Variants in TRAPPC9 observed in about 807,000 individuals in gnomAD.
The protein encoded by TRAPPC9 is trafficking protein particle complex subunit 9, also known as IKK2 binding protein.
In TRAPPC9, 83 loss-of-function variants were observed where a neutral mutation model predicts 124.0. The ratio of observed to expected loss-of-function variants is 0.67; its 90% confidence interval spans 0.56 to 0.80. TRAPPC9 has a LOEUF of 0.80. Ranked by LOEUF, TRAPPC9 falls within the 30% of genes least tolerant of loss-of-function variation. The pLI, the probability that TRAPPC9 is intolerant of heterozygous loss-of-function variation, is 0.00. For missense variants in TRAPPC9, 1,302 were observed against 1,508.3 expected (o/e 0.86, Z 2.27); for synonymous variants, 638 against 617.5 (o/e 1.03, Z -0.49).
chr8:139,829,203 G>A (rs769636689), intron 21 of TRAPPC9, among the ~76,000 whole-genome samples: 39 of 152,228 alleles, frequency 2.6e-4, no homozygotes, highest in African/African-American at 8.9e-4. Flanking sequence ...ACGCCCTTCC[G>A]GAGGGTATAA....
Position 139,885,965 on chromosome 8 carries a change from G to A in TRAPPC9, c.2969C>T (p.Ser990Phe). ...ACTCGCCTCGCCACTGCGCTTCAGGGAGGGGTGAGCCTTGGTCAAGGAAAA... is the reference window on the plus strand; with the variant it reads ...ACTCGCCTCGCCACTGCGCTTCAGGAAGGGGTGAGCCTTGGTCAAGGAAAA... ...SKLGICWRIP[S>F]LKRSGEASVE... Residue 990 changes from serine to phenylalanine, a missense_variant, in exon 21 of 23, where the codon TCC becomes TTC. Transcript: ENST00000438773. 1.3e-6 allele frequency: 2 copies of A among 1,564,600 alleles called. No individual in the cohort carries two copies. Among genetic ancestry groups the A allele is most frequent in the Non-Finnish European group, 1.7e-6 (2 of 1,153,718 alleles).
chr8:140,134,937 ATT>A (rs1484290559), intron 17 of TRAPPC9, among the ~76,000 whole-genome samples: 1 of 152,248 alleles, frequency 6.6e-6, no homozygotes, highest in Non-Finnish European at 1.5e-5. Flanking sequence ...AGGGTTTAAT[ATT>A]CAGAATGTCT....
At chr8:139,943,967 C>A (rs1295657936) in intron 19 of TRAPPC9, among the ~76,000 whole-genome samples, 2 of 152,062 alleles carry the variant, frequency 1.3e-5, no homozygotes, top group African/African-American at 4.8e-5. Flanking sequence ...CTTGGAGGCA[C>A]AAGAATGAGG....
At chr8:140,218,812 T>C (rs146378565) in intron 17 of TRAPPC9, among the ~76,000 whole-genome samples, 7,352 of 151,878 alleles carry the variant, frequency 0.048, 215 homozygotes, top group Middle Eastern at 0.11. Context: ...ATATAAAAAT[T>C]AGCCGGGTGT....
At chr8:140,158,339 G>T (rs377208263) in intron 17 of TRAPPC9, among the ~76,000 whole-genome samples, 2 of 152,158 alleles carry the variant, frequency 1.3e-5, no homozygotes, top group Non-Finnish European at 2.9e-5. Context: ...TCCTTATTAG[G>T]GAAAGAAGGA....
chr8:140,389,973 G>T (rs2068877968), intron 7 of TRAPPC9, among the ~76,000 whole-genome samples: 1 of 152,144 alleles, frequency 6.6e-6, no homozygotes, highest in African/African-American at 2.4e-5. Context: ...GTAAGCTAGA[G>T]ACTCAGCTCT....
At chr8:140,026,629 A>G (rs1326936397) in intron 17 of TRAPPC9, among the ~76,000 whole-genome samples, 1 of 152,118 alleles carries the variant, frequency 6.6e-6, no homozygotes, top group Non-Finnish European at 1.5e-5. Context: ...CCATTTATGT[A>G]TCTTCTTTGG....
intron 16 of TRAPPC9, among the ~76,000 whole-genome samples, chr8:140,248,280 C>T (rs73714825): frequency 0.063 from 9,531 of 152,282 alleles, 533 homozygotes; most frequent in African/African-American, 0.15. Context: ...TTCTGCTATC[C>T]CACCTCTGTT....
chr8:140,293,015 A>T (rs2065706279), intron 11 of TRAPPC9, among the ~76,000 whole-genome samples: 1 of 147,624 alleles, frequency 6.8e-6, no homozygotes, highest in African/African-American at 2.6e-5. Flanking sequence ...AAACAAATTT[A>T]CAAGAAAAAA....
At position 140,435,235 on chromosome 8, in the gene TRAPPC9, G is replaced by A. The variant is rs2070773096; in HGVS notation, c.736C>T (p.Leu246=). The change falls in exon 4 of 23, where the codon CTG becomes TTG. Residue 246 remains leucine (L), a synonymous_variant. Transcript: ENST00000438773. The part of the protein sequence containing the change: ...VNDFLWLGAA[L]EGLCSASVIY... ...ACAGAAGCTGAACACAATCCTTCCAGGGCAGCTGGGCATTAAGAAAACAAA... is the reference window on the plus strand; with the variant it reads ...ACAGAAGCTGAACACAATCCTTCCAAGGCAGCTGGGCATTAAGAAAACAAA... 6.2e-7 allele frequency: 1 copy of A among 1,613,492 alleles called. No homozygotes were observed.
At chr8:140,058,270 T>C (rs1842403321) in intron 17 of TRAPPC9, among the ~76,000 whole-genome samples, 1 of 152,134 alleles carries the variant, frequency 6.6e-6, no homozygotes, top group African/African-American at 2.4e-5. Flanking sequence ...GACACTACGG[T>C]GTCACTTTGA....
At position 139,976,848 on chromosome 8, in the gene TRAPPC9, C is replaced by T. The variant is rs370020934; in HGVS notation, c.2810+11878G>A. Among the ~76,000 whole-genome samples the T allele has an allele frequency of 1.6e-4, 24 of 152,308 alleles. No homozygotes were observed. In the East Asian group the frequency reaches 4.5e-3, roughly 28 times the overall value. ...CCTGGAAGGCAGGATGCTGCCTGTT[C>T]ACCTCTGCTCCTCTGAGAGGAGCAG... On this transcript the variant is annotated intron_variant, in intron 19 of 22. Transcript: ENST00000438773.
chr8:139,854,471 G>A (rs1175856085), intron 21 of TRAPPC9, among the ~76,000 whole-genome samples: 1 of 152,210 alleles, frequency 6.6e-6, no homozygotes, highest in Non-Finnish European at 1.5e-5. Context: ...GGGTCAGGGA[G>A]GTGACACCTG....
chr8:140,189,281 G>A (rs561988416), intron 17 of TRAPPC9, among the ~76,000 whole-genome samples: 5 of 152,280 alleles, frequency 3.3e-5, no homozygotes, highest in East Asian at 1.9e-4. Context: ...GTTCGTTTCC[G>A]CATGGCCACA....
intron 21 of TRAPPC9, among the ~76,000 whole-genome samples, chr8:139,752,129 C>A (rs1819352075): frequency 6.6e-6 from 1 of 151,010 alleles, no homozygotes; most frequent in Non-Finnish European, 1.5e-5. Flanking sequence ...TACCATCCAT[C>A]CATCTATATA....
chr8:140,045,631 G>GAAAAAAAAAAAAA (rs57243402), intron 17 of TRAPPC9, among the ~76,000 whole-genome samples: 2 of 33,264 alleles, frequency 6.0e-5, no homozygotes, highest in African/African-American at 1.7e-4. Context: ...CATCTCGGCA[G>GAAAAAAAAAAAAA]AAAAAAAAAA....
At chr8:140,290,416 C>T (rs1317225117) in intron 12 of TRAPPC9, among the ~76,000 whole-genome samples, 1 of 152,174 alleles carries the variant, frequency 6.6e-6, no homozygotes, top group Non-Finnish European at 1.5e-5. Context: ...CAGCTTAGAG[C>T]GCCAGTACTA....
chr8:140,048,061 C>T (rs1227711324), intron 17 of TRAPPC9, among the ~76,000 whole-genome samples: 1 of 152,228 alleles, frequency 6.6e-6, no homozygotes, highest in Non-Finnish European at 1.5e-5. Flanking sequence ...GGCCAGAAGC[C>T]CCTCTGATAG....
At chr8:140,209,168 T>C (rs1405869078) in intron 17 of TRAPPC9, among the ~76,000 whole-genome samples, 2 of 152,228 alleles carry the variant, frequency 1.3e-5, no homozygotes, top group Non-Finnish European at 2.9e-5. Context: ...CTGCAGACGA[T>C]CCGCCTAAAA....
Sources: gnomAD v4.1 joint callset for allele counts (sites outside exome capture counted in the v4.1 genomes callset) on GRCh38, gnomAD v4.1.1 for gene constraint, MANE v1.5 for transcripts, NCBI Gene and HGNC (gene_info 2026-07-23, HGNC 2026-07-21) for gene names.